CTNNA3: variants seen among roughly 807,000 people sequenced by gnomAD.
CTNNA3 encodes catenin alpha 3.
In CTNNA3, 76 loss-of-function variants were observed where a neutral mutation model predicts 95.7. The observed-to-expected ratio is 0.79, with a 90% CI of 0.66 to 0.96. CTNNA3 has a LOEUF of 0.96. CTNNA3 is among the 40% of genes least tolerant of loss of function. The pLI is 0.00. For missense variants in CTNNA3, 1,191 were observed against 1,089.8 expected (o/e 1.09, Z -1.31); for synonymous variants, 431 against 374.4 (o/e 1.15, Z -1.74).
intron 7 of CTNNA3, among the ~76,000 whole-genome samples, chr10:67,163,462 C>A (rs1430301218): frequency 6.6e-6 from 1 of 151,944 alleles, no homozygotes; most frequent in Non-Finnish European, 1.5e-5. Context: ...CAGAGAAGAA[C>A]TTCTATATCT....
At chr10:66,097,488 T>C (rs1356181374) in intron 14 of CTNNA3, among the ~76,000 whole-genome samples, 1 of 152,176 alleles carries the variant, frequency 6.6e-6, no homozygotes, top group Non-Finnish European at 1.5e-5. Flanking sequence ...ATCATCATCA[T>C]GATTTTACAG....
intron 14 of CTNNA3, among the ~76,000 whole-genome samples, chr10:66,094,592 T>C (rs1350515507): frequency 6.6e-6 from 1 of 152,100 alleles, no homozygotes; most frequent in Non-Finnish European, 1.5e-5. Flanking sequence ...AACGGCTTTC[T>C]CCAAGTTGTA....
chr10:66,994,109 A>G (rs1447210314), intron 7 of CTNNA3, among the ~76,000 whole-genome samples: 1 of 152,178 alleles, frequency 6.6e-6, no homozygotes, highest in African/African-American at 2.4e-5. Context: ...CCTAGAAATA[A>G]GTAGCATTCA....
At chr10:66,269,202 A>T (rs191293261) in intron 13 of CTNNA3, among the ~76,000 whole-genome samples, 1 of 152,360 alleles carries the variant, frequency 6.6e-6, no homozygotes, top group East Asian at 1.9e-4. Context: ...AAGTTAAAAG[A>T]CTACATGACT....
rs146278344 is a variant in CTNNA3 at position 66,052,048 on chromosome 10, T to C, written c.2159+17260A>G. 3.3e-5 allele frequency among the ~76,000 whole-genome samples: 5 copies of C among 152,300 alleles called. No homozygotes were observed. In the East Asian group the frequency reaches 7.7e-4, roughly 24 times the overall value. On this transcript the variant is annotated intron_variant, in intron 15 of 17. Transcript: ENST00000433211. ...AAAAATTCCATAAATTGGCACATGATATGAATGCTATATTGATGGGAAAGT... is the reference window on the plus strand; with the variant it reads ...AAAAATTCCATAAATTGGCACATGACATGAATGCTATATTGATGGGAAAGT...
chr10:66,004,320 T>C (rs1277783375), intron 15 of CTNNA3, among the ~76,000 whole-genome samples: 3 of 152,210 alleles, frequency 2.0e-5, no homozygotes, highest in Non-Finnish European at 4.4e-5. Flanking sequence ...TCCCAAGGAT[T>C]ATAAAATAAA....
chr10:66,608,539 T>C (rs149839292), intron 10 of CTNNA3, among the ~76,000 whole-genome samples: 1 of 152,132 alleles, frequency 6.6e-6, no homozygotes, highest in East Asian at 1.9e-4. Context: ...GCTACTAGCT[T>C]CAAACTATGC....
intron 14 of CTNNA3, among the ~76,000 whole-genome samples, chr10:66,095,002 A>G (rs1397604343): frequency 6.6e-6 from 1 of 152,144 alleles, no homozygotes; most frequent in Non-Finnish European, 1.5e-5. Context: ...GTTTGAGTAG[A>G]TTAGTGGATT....
At chr10:66,404,088 TC>T (rs1385600260) in intron 11 of CTNNA3, among the ~76,000 whole-genome samples, 3 of 152,078 alleles carry the variant, frequency 2.0e-5, no homozygotes, top group Non-Finnish European at 4.4e-5. Flanking sequence ...GATTTTTTTT[TC>T]CAGATGTTTT....
chr10:67,761,990 T>G (rs1387779473), intron 1 of CTNNA3, among the ~76,000 whole-genome samples: 2 of 152,112 alleles, frequency 1.3e-5, no homozygotes, highest in Non-Finnish European at 1.5e-5. Context: ...TTTTATGATA[T>G]TATTGTCACG....
intron 2 of CTNNA3, among the ~76,000 whole-genome samples, chr10:67,646,905 C>T (rs1453419159): frequency 1.3e-5 from 2 of 152,086 alleles, no homozygotes; most frequent in South Asian, 2.1e-4. Context: ...GGATTATTCA[C>T]CTTATGAAAG....
chr10:65,937,768 G>A (rs1338382194), intron 17 of CTNNA3, among the ~76,000 whole-genome samples: 2 of 152,076 alleles, frequency 1.3e-5, no homozygotes, highest in Admixed American at 1.3e-4. Context: ...CTTGATTGTT[G>A]GCTCACATTT....
intron 7 of CTNNA3, among the ~76,000 whole-genome samples, chr10:67,020,307 TC>T (rs1365084523): frequency 2.0e-5 from 3 of 152,196 alleles, no homozygotes; most frequent in Non-Finnish European, 4.4e-5. Flanking sequence ...ATATACAGCC[TC>T]ATGTTAAATT....
chr10:66,582,276 CA>C (rs1843214957), intron 10 of CTNNA3, among the ~76,000 whole-genome samples: 1 of 151,560 alleles, frequency 6.6e-6, no homozygotes, highest in South Asian at 2.1e-4. Context: ...AACCCATGAG[CA>C]AAGAATGTAT....
At chr10:67,429,262 TTAAGAA>T (rs1482795694) in intron 5 of CTNNA3, among the ~76,000 whole-genome samples, 1 of 152,048 alleles carries the variant, frequency 6.6e-6, no homozygotes, top group African/African-American at 2.4e-5. Flanking sequence ...TTAAAATAGA[TTAAGAA>T]TAAAATGATT....
chr10:66,013,088 A>G (rs2079035331), intron 15 of CTNNA3, among the ~76,000 whole-genome samples: 1 of 152,150 alleles, frequency 6.6e-6, no homozygotes, highest in South Asian at 2.1e-4. Flanking sequence ...TTTAGTGGAG[A>G]CAGTGTTTTG....
intron 11 of CTNNA3, among the ~76,000 whole-genome samples, chr10:66,445,489 C>T (rs2093413181): frequency 6.6e-6 from 1 of 152,208 alleles, no homozygotes; most frequent in South Asian, 2.1e-4. Flanking sequence ...AACCACAGTG[C>T]AATCAAACTA....
chr10:66,671,846 T>C (rs7912736), intron 9 of CTNNA3, among the ~76,000 whole-genome samples: 84,166 of 152,020 alleles, frequency 0.55, 24,045 homozygotes, highest in African/African-American at 0.68. Context: ...TAGTACACAT[T>C]ACTCCCAGGG....
intron 11 of CTNNA3, among the ~76,000 whole-genome samples, chr10:66,426,227 G>T (rs1228863801): frequency 2.6e-5 from 4 of 151,972 alleles, no homozygotes; most frequent in African/African-American, 9.6e-5. Flanking sequence ...GCACATATAT[G>T]CTTTCTATTG....
Sources: allele counts gnomAD v4.1 joint callset (sites outside exome capture counted in the v4.1 genomes callset), GRCh38; gene constraint gnomAD v4.1.1; transcripts MANE v1.5; gene names NCBI Gene and HGNC (gene_info 2026-07-23, HGNC 2026-07-21).